UBE2Z: variants seen among roughly 807,000 people sequenced by gnomAD.
UBE2Z encodes ubiquitin-conjugating enzyme E2 Z.
A neutral mutation model predicts 32.6 loss-of-function variants in UBE2Z; 10 were observed. The observed-to-expected ratio is 0.31, with a 90% confidence interval of 0.19 to 0.52. UBE2Z has a LOEUF of 0.52. UBE2Z is among the 20% of genes least tolerant of loss of function. UBE2Z has a pLI of 0.97. For missense variants in UBE2Z, 343 were observed against 480.9 expected, an observed-to-expected ratio of 0.71 and a Z score of 2.68; for synonymous variants, 183 against 190.8, an observed-to-expected ratio of 0.96 and a Z score of 0.34.
At chr17:48,909,497 G>A (rs535366931) in intron 1 of UBE2Z, among the ~76,000 whole-genome samples, 1 of 150,422 alleles carries the variant, frequency 6.6e-6, no homozygotes, top group Non-Finnish European at 1.5e-5. Context: ...GTGCCACTCT[G>A]GATTGTAATA....
At chr17:48,923,582 A>T (rs2040778202) in intron 6 of UBE2Z, among the ~76,000 whole-genome samples, 1 of 151,768 alleles carries the variant, frequency 6.6e-6, no homozygotes, top group African/African-American at 2.4e-5. Flanking sequence ...CAGTGAGCTG[A>T]GTGCACTCCA....
At chr17:48,915,139 G>A (rs1012250893) in intron 3 of UBE2Z, among the ~76,000 whole-genome samples, 9 of 152,076 alleles carry the variant, frequency 5.9e-5, no homozygotes, top group African/African-American at 2.2e-4. Context: ...ACTGACAAAA[G>A]AAATTTAACG....
At chr17:48,912,598 C>G (rs775936152) in intron 2 of UBE2Z, 1 of 481,236 alleles carries the variant, frequency 2.1e-6, no homozygotes, top group Non-Finnish European at 3.7e-6. Context: ...TGGGCTCTAA[C>G]TTTAGAAGTA....
At position 48,908,629 on chromosome 17, in the gene UBE2Z, G is replaced by A; in HGVS notation, c.126G>A (p.Leu42=). Residue 42 remains leucine (L), a synonymous_variant, in exon 1 of 7, where the codon CTG becomes CTA. Transcript: ENST00000360943. ...GCGGCGGGTTCGGGCCGCCTTTCCT[G>A]CCGGATGTGTGGGCGGCGGCGGCGG... The part of the protein sequence containing the change: ...GSGGGFGPPF[L]PDVWAAAAAA... The A allele has an allele frequency of 8.1e-7, 1 of 1,234,554 alleles. No individual in the cohort carries two copies. The highest frequency in any genetic ancestry group is 4.1e-5 in the South Asian group (1 of 24,372). The allele number at this position is 1,234,554 out of a possible 1,614,324, so 76.5% of individuals were successfully genotyped here. A position where few individuals can be genotyped will look rare whatever the true frequency, so the allele number is the denominator to read the frequency against.
chr17:48,923,752 A>G (rs2040779526), intron 6 of UBE2Z, among the ~76,000 whole-genome samples: 1 of 149,894 alleles, frequency 6.7e-6, no homozygotes, highest in Admixed American at 6.6e-5. Flanking sequence ...TTTTTTTTAA[A>G]GGCAGGTTCT....
At chr17:48,923,107 G>T (rs1405048519) in intron 6 of UBE2Z, 170 bp downstream of exon 6, 1 of 512,068 alleles carries the variant, frequency 2.0e-6, no homozygotes, top group East Asian at 3.5e-5. Flanking sequence ...GGATCACGAG[G>T]TCGGGAAATT....
rs371282577 is a variant in UBE2Z at position 48,908,554 on chromosome 17, G to T, written c.51G>T (p.Ala17=). The T allele has an allele frequency of 5.2e-5, 64 of 1,236,694 alleles. 1 individual carries two copies. In the East Asian group the frequency reaches 6.0e-4, roughly 12 times the overall value. The allele number at this position is 1,236,694 out of a possible 1,614,324, so 76.6% of individuals were successfully genotyped here. ...CGGCAACGGCGGGCGCCGGGGCGGC[G>T]GGCCCCGGGGCGAGCAGCGTTGCTG... ...EEAATAGAGA[A]GPGASSVAGV... is the part of the protein sequence containing the mutation. Residue 17 remains alanine, a synonymous_variant, in exon 1 of 7, where the codon GCG becomes GCT. Coordinates refer to ENST00000360943, the MANE Select transcript of UBE2Z (RefSeq NM_023079.5).
At chr17:48,912,742 T>C in intron 2 of UBE2Z, 92 bp from the exon 3 acceptor site, 1 of 1,367,268 alleles carries the variant, frequency 7.3e-7, no homozygotes, top group African/African-American at 1.4e-5. Context: ...TTATGGACTC[T>C]GCTTCTGGTG....
In UBE2Z at chr17:48,927,411, G is replaced by C; in HGVS notation, c.*277G>C. On this transcript the variant is annotated 3_prime_UTR_variant, in exon 7 of 7. Transcript: ENST00000360943. ...AGGAGCACCTAGAGCGAGGGCCTTTGGCAAAAACAAAACAACCAACACACC... is the reference window on the plus strand; with the variant it reads ...AGGAGCACCTAGAGCGAGGGCCTTTCGCAAAAACAAAACAACCAACACACC... 1 of 371,578 alleles carries C rather than the reference G, an allele frequency of 2.7e-6. No individual in the cohort carries two copies. Among genetic ancestry groups the C allele is most frequent in the East Asian group, 4.5e-5 (1 of 22,250 alleles). 23.0% of individuals were successfully genotyped at this position (371,578 alleles called of 1,614,324 possible).
Position 48,908,471 on chromosome 17 carries a change from G to A in UBE2Z, c.-33G>A. ...GCAGCGGCCGCTCTGGTCGGCGGAC[G>A]TGCTGCCGAGTAGTCCCGGAAGCGA... On this transcript the variant is annotated 5_prime_UTR_variant, in exon 1 of 7. In the 5' UTR this introduces an upstream ATG that the reference lacks. Coordinates refer to ENST00000360943, the MANE Select transcript of UBE2Z (RefSeq NM_023079.5). 8.1e-7 allele frequency: 1 copy of A among 1,229,130 alleles called. No homozygotes were observed. The highest frequency in any genetic ancestry group is 2.8e-4 in the Middle Eastern group (1 of 3,596). 76.1% of individuals were successfully genotyped at this position (1,229,130 alleles called of 1,614,324 possible). A position where few individuals can be genotyped will look rare whatever the true frequency, so the allele number is the denominator to read the frequency against.
intron 4 of UBE2Z, among the ~76,000 whole-genome samples, chr17:48,920,911 T>C (rs903098280): frequency 6.6e-6 from 1 of 152,038 alleles, no homozygotes; most frequent in African/African-American, 2.4e-5. Context: ...CAGGAAAATA[T>C]GATGGATCTA....
intron 2 of UBE2Z, 119 bp from the exon 3 acceptor site, chr17:48,912,715 A>G: frequency 9.6e-7 from 1 of 1,037,394 alleles, no homozygotes; most frequent in Non-Finnish European, 1.4e-6. Flanking sequence ...GTGAGGATAT[A>G]GAACATGTGT....
chr17:48,920,248 G>A (rs2040749912), intron 4 of UBE2Z, among the ~76,000 whole-genome samples: 1 of 151,898 alleles, frequency 6.6e-6, no homozygotes, highest in Non-Finnish European at 1.5e-5. Flanking sequence ...TAATCCCAGC[G>A]CTTTGGAAGG....
intron 3 of UBE2Z, among the ~76,000 whole-genome samples, chr17:48,915,050 G>A (rs1303560670): frequency 6.6e-6 from 1 of 151,908 alleles, no homozygotes; most frequent in East Asian, 1.9e-4. Context: ...ATTCTTAGGT[G>A]TTCCTAGTTG....
intron 1 of UBE2Z, among the ~76,000 whole-genome samples, chr17:48,909,901 G>T (rs2040663447): frequency 6.6e-6 from 1 of 152,058 alleles, no homozygotes; most frequent in African/African-American, 2.4e-5. Flanking sequence ...AAAGTACCTG[G>T]CACAGTGCCT....
chr17:48,912,218 C>G (rs1383518978), intron 2 of UBE2Z: 1 of 152,704 alleles, frequency 6.5e-6, no homozygotes, highest in African/African-American at 2.4e-5. Context: ...CAAGCAGATA[C>G]CCTAGGCATC....
At chr17:48,920,357 G>A (rs765198089) in intron 4 of UBE2Z, among the ~76,000 whole-genome samples, 2 of 152,000 alleles carry the variant, frequency 1.3e-5, no homozygotes, top group African/African-American at 2.4e-5. Flanking sequence ...CTAGCTGGGC[G>A]TGGTGACAGG....
intron 6 of UBE2Z, 115 bp from the exon 7 acceptor site, chr17:48,926,849 C>T (rs559501605): frequency 8.2e-7 from 1 of 1,212,862 alleles, no homozygotes; most frequent in Non-Finnish European, 1.1e-6. Flanking sequence ...GTTAGGCCTT[C>T]CTGCTCCCAT....
Position 48,927,585 on chromosome 17 carries a change from A to G in UBE2Z, c.*451A>G, listed in dbSNP as rs965623245. 4.3e-5 allele frequency: 7 copies of G among 161,886 alleles called. No homozygotes were observed. Among genetic ancestry groups the G allele is most frequent in the African/African-American group, 9.6e-5 (4 of 41,692 alleles). 10.0% of individuals were successfully genotyped at this position (161,886 alleles called of 1,614,324 possible). ...ACTTAAGCAGTCTGGGTGGTTGTCTATTTGTCTGTCTTCAGTCTTGAAGCA... is the reference window on the plus strand; with the variant it reads ...ACTTAAGCAGTCTGGGTGGTTGTCTGTTTGTCTGTCTTCAGTCTTGAAGCA... On this transcript the variant is annotated 3_prime_UTR_variant, in exon 7 of 7. Transcript: ENST00000360943.
Sources: allele counts gnomAD v4.1 joint callset (sites outside exome capture counted in the v4.1 genomes callset), GRCh38; gene constraint gnomAD v4.1.1; transcripts MANE v1.5; gene names NCBI Gene and HGNC (gene_info 2026-07-23, HGNC 2026-07-21).